OTOF: variants seen among roughly 807,000 people sequenced by gnomAD.
The protein encoded by OTOF is otoferlin, also known as fer-1-like family member 2.
OTOF carries 218 observed loss-of-function variants against 236.8 expected under a neutral mutation model. The ratio of observed to expected loss-of-function variants is 0.92; its 90% CI spans 0.82 to 1.03. OTOF has a LOEUF of 1.03. Ranked by LOEUF, OTOF falls within the 50% of genes least tolerant of loss-of-function variation. OTOF has a pLI of 0.00. For missense variants in OTOF, 2,590 were observed against 2,694.4 expected (o/e 0.96, Z 0.86); for synonymous variants, 1,041 against 1,072.5 (o/e 0.97, Z 0.57).
In OTOF at chr2:26,474,047, G is replaced by A. The variant is rs1035535874; in HGVS notation, c.3352C>T (p.Pro1118Ser). 1.2e-6 allele frequency: 2 copies of A among 1,612,818 alleles called. No homozygotes were observed. The highest frequency in any genetic ancestry group is 1.3e-5 in the African/African-American group (1 of 74,856). The change falls in exon 27 of 47, where the codon CCC becomes TCC. Residue 1118 changes from proline to serine, a missense_variant. Coordinates refer to ENST00000272371, the MANE Select transcript of OTOF (RefSeq NM_194248.3). Reference sequence around the variant, plus strand: ...ATGCCCATGGGCACGGGCATGATGGGACCTCGGTCCACGTCCACCGGGCCA... The same window carrying A: ...ATGCCCATGGGCACGGGCATGATGGAACCTCGGTCCACGTCCACCGGGCCA... ...INGPVDVDRG[P>S]IMPVPMGIRP...
chr2:26,532,759 G>C (rs1666980615), intron 2 of OTOF, among the ~76,000 whole-genome samples: 1 of 152,118 alleles, frequency 6.6e-6, no homozygotes, highest in African/African-American at 2.4e-5. Context: ...GCTGGTGCTG[G>C]CCGGGGCACA....
At chr2:26,554,031 C>T (rs1445152153) in intron 1 of OTOF, among the ~76,000 whole-genome samples, 2 of 151,996 alleles carry the variant, frequency 1.3e-5, no homozygotes, top group Non-Finnish European at 2.9e-5. Context: ...ATTAGTCGGG[C>T]ATGGTGGCGT....
Position 26,460,802 on chromosome 2 carries a change from C to T in OTOF, c.5712+50G>A, listed in dbSNP as rs370294347. ...AGGCTGCGTGCTGGGCCCTTGGCAC[C>T]CCAGCCAGTCCCAGCCCTGCCTACT... is the stretch of plus-strand genomic sequence containing the variant. On this transcript the variant is annotated intron_variant, in intron 44 of 46. Transcript: ENST00000272371. The surrounding 1 kb of genome is among the most constrained non-coding windows in gnomAD (Gnocchi z 5.3). 113 of 1,613,670 alleles carry T rather than the reference C, an allele frequency of 7.0e-5. No homozygotes were observed. The African/African-American group carries it at 1.3e-3, about 19-fold the overall frequency.
intron 16 of OTOF, among the ~76,000 whole-genome samples, chr2:26,479,961 C>A (rs534882361): frequency 1.3e-5 from 2 of 152,256 alleles, no homozygotes; most frequent in African/African-American, 4.8e-5. Flanking sequence ...CCAAACACAG[C>A]CTCACCCTGT....
At chr2:26,508,245 A>G (rs1239821206) in intron 5 of OTOF, among the ~76,000 whole-genome samples, 1 of 152,228 alleles carries the variant, frequency 6.6e-6, no homozygotes, top group Non-Finnish European at 1.5e-5. Context: ...GCATTGCTCA[A>G]ACAGCCCAAT....
At chr2:26,482,974 T>G (rs994910977) in intron 13 of OTOF, among the ~76,000 whole-genome samples, 1 of 137,306 alleles carries the variant, frequency 7.3e-6, no homozygotes, top group Non-Finnish European at 1.5e-5. Context: ...TGAGTGGGTA[T>G]GCGTGCGTGT....
In OTOF at chr2:26,474,172, T is replaced by A. The variant is rs1572422826; in HGVS notation, c.3289-62A>T. 27 of 1,606,094 alleles carry A rather than the reference T, an allele frequency of 1.7e-5. No individual in the cohort carries two copies. The Admixed American group carries it at 4.5e-4, about 27-fold the overall frequency. ...CCCAGGGACAGGGTCTCTTTCCCCA[T>A]GAGTTGTTTGCCATGATCTGGGGAG... On this transcript the variant is annotated intron_variant, in intron 26 of 46. Transcript: ENST00000272371.
intron 1 of OTOF, among the ~76,000 whole-genome samples, chr2:26,544,674 A>C (rs1419582476): frequency 2.6e-5 from 4 of 152,104 alleles, no homozygotes; most frequent in Non-Finnish European, 5.9e-5. Flanking sequence ...TGAAAATATA[A>C]TTTTATTTCT....
chr2:26,491,445 T>G (rs1218970679), intron 9 of OTOF, among the ~76,000 whole-genome samples: 1 of 152,166 alleles, frequency 6.6e-6, no homozygotes, highest in East Asian at 1.9e-4. Context: ...GACTCCTAGT[T>G]CCTGTCCTTG....
At chr2:26,476,854 G>C (rs777616068) in intron 22 of OTOF, 37 bp downstream of exon 22, 1 of 1,594,798 alleles carries the variant, frequency 6.3e-7, no homozygotes, top group Non-Finnish European at 8.5e-7. Flanking sequence ...TCCCCTGAAA[G>C]GACCCAGGCC....
Position 26,477,800 on chromosome 2 carries a change from C to G in OTOF, c.2215-51G>C, listed in dbSNP as rs749816857. On this transcript the variant is annotated intron_variant, in intron 18 of 46. Coordinates refer to ENST00000272371, the MANE Select transcript of OTOF (RefSeq NM_194248.3). This position sits in a 1 kb window ranked among gnomAD's most constrained non-coding sequence, Gnocchi z 4.7. Reference sequence around the variant, plus strand: ...CTGGGCCACAGCCCCGCCTCCCCAGCCTCCCCAAATGCCTCCTCCCTGTTG... The same window carrying G: ...CTGGGCCACAGCCCCGCCTCCCCAGGCTCCCCAAATGCCTCCTCCCTGTTG... The G allele has an allele frequency of 2.5e-6, 4 of 1,605,170 alleles. No individual in the cohort carries two copies. In the African/African-American group the frequency reaches 5.4e-5, roughly 21 times the overall value.
intron 11 of OTOF, among the ~76,000 whole-genome samples, chr2:26,488,636 G>A (rs944818633): frequency 3.9e-5 from 6 of 152,240 alleles, no homozygotes; most frequent in South Asian, 2.1e-4. Context: ...CAGCATCACC[G>A]CTTTCAGATT....
intron 25 of OTOF, among the ~76,000 whole-genome samples, 159 bp from the exon 26 acceptor site, chr2:26,474,833 T>A (rs1665176780): frequency 6.6e-6 from 1 of 152,096 alleles, no homozygotes; most frequent in Admixed American, 6.5e-5. Context: ...ACCAAAGACT[T>A]GTTCAAGGCC....
chr2:26,518,714 G>A (rs1666598021), intron 4 of OTOF, among the ~76,000 whole-genome samples: 1 of 152,262 alleles, frequency 6.6e-6, no homozygotes, highest in African/African-American at 2.4e-5. Flanking sequence ...GACAAAAGGA[G>A]CCTCTTTAGT....
At position 26,473,998 on chromosome 2, in the gene OTOF, C is replaced by G; in HGVS notation, c.3401G>C (p.Arg1134Pro). The change falls in exon 27 of 47, where the codon CGA becomes CCA. Residue 1134 changes from arginine (R) to proline (P), a missense_variant. Arg to Pro is a moderately radical substitution (Grantham distance 103, BLOSUM62 -2). This residue lies in a region of OTOF where 1,211 missense variants were observed against 1,352.8 expected (regional missense o/e 0.90). Coordinates refer to ENST00000272371, the MANE Select transcript of OTOF (RefSeq NM_194248.3). This position sits in a 1 kb window ranked among gnomAD's most constrained non-coding sequence, Gnocchi z 7.2. Reference sequence around the variant, plus strand: ...CACACAGAGCCCTCGCACCTCCACTCGGTACTTGCTGAGCACGGGCCGGAT... The same window carrying G: ...CACACAGAGCCCTCGCACCTCCACTGGGTACTTGCTGAGCACGGGCCGGAT... Reference protein sequence around the residue: ...MGIRPVLSKYRVEVLFWGLRD... With the variant: ...MGIRPVLSKYPVEVLFWGLRD... 6.2e-7 allele frequency: 1 copy of G among 1,612,898 alleles called. No individual in the cohort carries two copies. Among genetic ancestry groups the G allele is most frequent in the South Asian group, 1.1e-5 (1 of 91,076 alleles).
chr2:26,531,899 G>C (rs1358340394), intron 2 of OTOF, among the ~76,000 whole-genome samples: 1 of 152,044 alleles, frequency 6.6e-6, no homozygotes, highest in Admixed American at 6.5e-5. Context: ...TTTGATACCA[G>C]CCTGGCCAAC....
At position 26,483,562 on chromosome 2, in the gene OTOF, C is replaced by T. The variant is rs1470825688; in HGVS notation, c.1292G>A (p.Arg431His). Residue 431 changes from arginine (R) to histidine (H), a missense_variant, in exon 13 of 47, where the codon CGT becomes CAT. Physicochemically the swap from Arg to His is conservative, Grantham distance 29. This residue lies in a region of OTOF where 1,379 missense variants were observed against 1,341.6 expected (regional missense o/e 1.03). Transcript: ENST00000272371. ...ATTGGCCATGAGGCTTGTGTTCATA[C>T]GGGGCAGCCCCTCTGCTCGGTAAAT... Reference protein sequence around the residue: ...VKIYRAEGLPRMNTSLMANVK... With the variant: ...VKIYRAEGLPHMNTSLMANVK... The T allele has an allele frequency of 2.5e-6, 4 of 1,613,938 alleles. No individual in the cohort carries two copies. The highest frequency in any genetic ancestry group is 1.3e-5 in the African/African-American group (1 of 75,052).
chr2:26,557,667 A>C (rs1572506337), intron 1 of OTOF, among the ~76,000 whole-genome samples: 2 of 151,288 alleles, frequency 1.3e-5, no homozygotes, highest in African/African-American at 2.4e-5. Context: ...CCTAGCTCCC[A>C]CCCGCTGGTC....
rs1053397526 is a variant in OTOF, at chr2:26,482,717, A to C, written c.1393-125T>G. 4 of 704,240 alleles carry C rather than the reference A, an allele frequency of 5.7e-6. No individual in the cohort carries two copies. The African/African-American group carries it at 8.8e-5, about 16-fold the overall frequency. 43.6% of individuals were successfully genotyped at this position (704,240 alleles called of 1,614,324 possible). Reference sequence around the variant, plus strand: ...TGTGTGCATGTGTGAGTGGGTGTGCATGCGTGTGTGAGTGGATGCATGTGT... The same window carrying C: ...TGTGTGCATGTGTGAGTGGGTGTGCCTGCGTGTGTGAGTGGATGCATGTGT... On this transcript the variant is annotated intron_variant, in intron 13 of 46. Coordinates refer to ENST00000272371, the MANE Select transcript of OTOF (RefSeq NM_194248.3).
Sources: allele counts gnomAD v4.1 joint callset (sites outside exome capture counted in the v4.1 genomes callset), GRCh38; gene constraint gnomAD v4.1.1; regional missense constraint gnomAD v4.1.1; non-coding constraint Gnocchi (gnomAD v3.1); transcripts MANE v1.5; gene names NCBI Gene and HGNC (gene_info 2026-07-23, HGNC 2026-07-21).